Variants in MOSPD2 observed in about 807,000 individuals in gnomAD.
MOSPD2 encodes motile sperm domain-containing protein 2.
Under a neutral mutation model 41.7 loss-of-function variants are expected in MOSPD2, and 5 were observed. The ratio of observed to expected loss-of-function variants is 0.12; its 90% confidence interval spans 0.06 to 0.25. The LOEUF (loss-of-function observed/expected upper bound fraction) is 0.25, where lower values mean the gene tolerates loss of function less well. Ranked by LOEUF, MOSPD2 falls within the 10% of genes least tolerant of loss-of-function variation. The probability of loss-of-function intolerance (pLI) is 1.00; values close to 1 mark genes in which losing one functional copy is unlikely to be tolerated. For missense variants in MOSPD2, 282 were observed against 375.2 expected (o/e 0.75, Z 2.05); for synonymous variants, 115 against 126.9 (o/e 0.91, Z 0.63).
At chrX:14,876,431 T>C (rs1355127740) in intron 2 of MOSPD2, among the ~76,000 whole-genome samples, 1 of 112,415 alleles carries the variant, frequency 8.9e-6, no homozygotes, top group African/African-American at 3.2e-5. Context: ...GAAATGCTTT[T>C]GGAGTTAGGT....
chrX:14,921,314 A>G lies in MOSPD2; in HGVS notation c.*1505A>G. ...ATAACAGTTCCTTCAAAATTGGCCT[A>G]GGAAATAAAACCTTAAAAGGACACT... On this transcript the variant is annotated 3_prime_UTR_variant, in exon 15 of 15. Coordinates refer to ENST00000380492, the MANE Select transcript of MOSPD2 (RefSeq NM_152581.4). 1.1e-6 allele frequency: 1 copy of G among 935,605 alleles called. No individual in the cohort carries two copies. The highest frequency in any genetic ancestry group is 1.3e-6 in the Non-Finnish European group (1 of 754,489). The allele number at this position is 935,605 out of a possible 1,213,427, so 77.1% of individuals were successfully genotyped here. A position where few individuals can be genotyped will look rare whatever the true frequency, so the allele number is the denominator to read the frequency against.
intron 11 of MOSPD2, among the ~76,000 whole-genome samples, chrX:14,914,945 T>C (rs966017291): frequency 1.1e-4 from 12 of 112,014 alleles, no homozygotes; most frequent in African/African-American, 3.9e-4. Context: ...AACTATAAAA[T>C]TGATAGTGCA....
At chrX:14,891,061 T>C (rs769633169) in intron 2 of MOSPD2, among the ~76,000 whole-genome samples, 15 of 112,541 alleles carry the variant, frequency 1.3e-4, no homozygotes, top group African/African-American at 3.5e-4. Flanking sequence ...GTATAGACTA[T>C]CTGTCTCTAC....
Position 14,914,491 on chromosome X carries a change from G to A in MOSPD2, c.993-12G>A, listed in dbSNP as rs772430168. The A allele has an allele frequency of 9.1e-6, 10 of 1,099,663 alleles. No homozygotes were observed. In the African/African-American group the frequency reaches 1.3e-4, roughly 14 times the overall value. 90.6% of individuals were successfully genotyped at this position (1,099,663 alleles called of 1,213,427 possible). ...ATTATTACAAATGTCTTATGTTTTT[G>A]TCACTCCCTAGCCCAGCAGAAGAAC... is the stretch of plus-strand genomic sequence containing the variant. On this transcript the variant is annotated splice_polypyrimidine_tract_variant and intron_variant, in intron 10 of 14. Coordinates refer to ENST00000380492, the MANE Select transcript of MOSPD2 (RefSeq NM_152581.4).
At chrX:14,910,064 C>A (rs1313172083) in intron 8 of MOSPD2, among the ~76,000 whole-genome samples, 1 of 110,441 alleles carries the variant, frequency 9.1e-6, no homozygotes, top group Non-Finnish European at 1.9e-5. Context: ...TATTTCCCCT[C>A]TCTGTCCTTA....
rs1367807486 is a variant in MOSPD2, at chrX:14,921,619, A to T, written c.*1810A>T. ...CCTTTAATGTTTCATATGAAAAATT[A>T]TGTTGACCCACTAAAATATCCTTGC... On this transcript the variant is annotated 3_prime_UTR_variant, in exon 15 of 15. Coordinates refer to ENST00000380492, the MANE Select transcript of MOSPD2 (RefSeq NM_152581.4). 3.7e-6 allele frequency: 1 copy of T among 269,375 alleles called. No individual in the cohort carries two copies. The highest frequency in any genetic ancestry group is 6.4e-6 in the Non-Finnish European group (1 of 156,101). 22.2% of individuals were successfully genotyped at this position (269,375 alleles called of 1,213,427 possible).
In MOSPD2 at chrX:14,897,155, T is replaced by C. The variant is rs1333522487; in HGVS notation, c.394T>C (p.Trp132Arg). ...ILDKKKLIAF[W>R]LERYAKRENG... ...GGACAAAAAGAAGCTCATAGCATTC[T>C]GGTTGGAACGTTATGCTAAGAGGGA... The change falls in exon 5 of 15, where the codon TGG becomes CGG. Residue 132 changes from tryptophan (W) to arginine (R), a missense_variant. Trp to Arg is a moderately radical substitution (Grantham distance 101). This residue lies in a region of MOSPD2 where 187 missense variants were observed against 256.6 expected (regional missense o/e 0.73). Coordinates refer to ENST00000380492, the MANE Select transcript of MOSPD2 (RefSeq NM_152581.4). The C allele has an allele frequency of 8.3e-7, 1 of 1,205,676 alleles. No individual in the cohort carries two copies. The highest frequency in any genetic ancestry group is 1.1e-6 in the Non-Finnish European group (1 of 891,464).
intron 2 of MOSPD2, among the ~76,000 whole-genome samples, chrX:14,883,601 T>C (rs1436765114): frequency 8.9e-6 from 1 of 112,191 alleles, no homozygotes; most frequent in African/African-American, 3.2e-5. Flanking sequence ...AGCTGGGCCA[T>C]GATTTGCAGA....
At chrX:14,906,139 T>C (rs192111902) in intron 7 of MOSPD2, among the ~76,000 whole-genome samples, 3 of 111,889 alleles carry the variant, frequency 2.7e-5, no homozygotes, top group Non-Finnish European at 5.6e-5. Flanking sequence ...AATCTTGAAA[T>C]AGAAACACAG....
rs761983608 is a variant in MOSPD2, at chrX:14,916,341, C to T, written c.1316+15C>T. The T allele has an allele frequency of 5.8e-6, 7 of 1,208,586 alleles. No homozygotes were observed. The highest frequency in any genetic ancestry group is 7.8e-6 in the Non-Finnish European group (7 of 894,127). ...ATGGAACATAGGTAAGCTTTTCCCT[C>T]ACATTCTTCTCAAATGTAGTGGGAA... On this transcript the variant is annotated intron_variant, in intron 13 of 14. Transcript: ENST00000380492.
Position 14,910,108 on chromosome X carries a change from ATAG to A in MOSPD2, c.703-1125_703-1123del, listed in dbSNP as rs757728199. The stretch of plus-strand genomic sequence containing the variant: ...TTTCTTCAGAATTACAGTCAAAATT[ATAG>A]TAGGACTACTATTTTTTAACATTAA... On this transcript the variant is annotated intron_variant, in intron 8 of 14. Transcript: ENST00000380492. 3.7e-3 allele frequency among the ~76,000 whole-genome samples: 413 copies of A among 110,862 alleles called. 2 individuals carry two copies. Among genetic ancestry groups the A allele is most frequent in the African/African-American group, 0.013 (383 of 30,576 alleles).
At chrX:14,917,930 T>C (rs2092603062) in intron 13 of MOSPD2, among the ~76,000 whole-genome samples, 1 of 111,720 alleles carries the variant, frequency 9.0e-6, no homozygotes, top group Admixed American at 9.5e-5. Context: ...AGGCTGAAAG[T>C]GCGGGGAACC....
At chrX:14,887,754 G>A (rs1328861161) in intron 2 of MOSPD2, among the ~76,000 whole-genome samples, 2 of 111,626 alleles carry the variant, frequency 1.8e-5, no homozygotes, top group African/African-American at 6.5e-5. Flanking sequence ...AACAGTGAGT[G>A]AGAGAGAACA....
intron 7 of MOSPD2, among the ~76,000 whole-genome samples, chrX:14,903,246 C>T (rs771157182): frequency 8.2e-5 from 9 of 110,236 alleles, no homozygotes; most frequent in South Asian, 7.7e-4. Flanking sequence ...TGGTGTTGCA[C>T]GGCTATAGTC....
intron 2 of MOSPD2, among the ~76,000 whole-genome samples, chrX:14,875,849 G>T (rs1244891459): frequency 9.0e-6 from 1 of 111,693 alleles, no homozygotes; most frequent in Admixed American, 9.5e-5. Context: ...CTGCTTTACA[G>T]CCCTTATCGT....
chrX:14,885,046 AG>A (rs776486258), intron 2 of MOSPD2, among the ~76,000 whole-genome samples: 7 of 112,090 alleles, frequency 6.2e-5, no homozygotes, highest in African/African-American at 1.9e-4. Context: ...TTTAAGATTT[AG>A]AAGATTTTAA....
chrX:14,886,352 G>A (rs1430215469), intron 2 of MOSPD2, among the ~76,000 whole-genome samples: 1 of 110,536 alleles, frequency 9.0e-6, no homozygotes, highest in Non-Finnish European at 1.9e-5. Flanking sequence ...TGAAAGTTTA[G>A]CTTTGTTTGT....
Position 14,913,918 on chromosome X carries a change from T to C in MOSPD2, c.993-585T>C, listed in dbSNP as rs6631331. On this transcript the variant is annotated intron_variant, in intron 10 of 14. Transcript: ENST00000380492. ...GGAAAGTAATAGTAAAATTTAAATATTGAAGCTCATTGATTTTACTATTTG... is the reference window on the plus strand; with the variant it reads ...GGAAAGTAATAGTAAAATTTAAATACTGAAGCTCATTGATTTTACTATTTG... 7.2e-5 allele frequency among the ~76,000 whole-genome samples: 8 copies of C among 111,776 alleles called. No homozygotes were observed. In the East Asian group the frequency reaches 2.0e-3, roughly 27 times the overall value.
chrX:14,890,751 A>G (rs1238330288), intron 2 of MOSPD2, among the ~76,000 whole-genome samples: 1 of 111,977 alleles, frequency 8.9e-6, no homozygotes, highest in African/African-American at 3.2e-5. Flanking sequence ...AATGCAGTCT[A>G]TATTTTCCTG....
Sources: gnomAD v4.1 joint callset for allele counts (sites outside exome capture counted in the v4.1 genomes callset) on GRCh38, gnomAD v4.1.1 for gene constraint, gnomAD v4.1.1 regional missense constraint, MANE v1.5 for transcripts, NCBI Gene and HGNC (gene_info 2026-07-23, HGNC 2026-07-21) for gene names.